LINGO2: variants seen among roughly 807,000 people sequenced by gnomAD.
The protein encoded by LINGO2 is leucine-rich repeat and immunoglobulin-like domain-containing nogo receptor-interacting protein 2.
A neutral mutation model predicts 30.6 loss-of-function variants in LINGO2; 14 were observed. That is an observed-to-expected ratio of 0.46 (90% CI 0.30 to 0.72). LINGO2 has a LOEUF of 0.72. Ranked by LOEUF, LINGO2 falls within the 30% of genes least tolerant of loss-of-function variation. The probability of loss-of-function intolerance (pLI) is 0.07; values close to 1 mark genes in which losing one functional copy is unlikely to be tolerated. For synonymous variants in LINGO2, 317 were observed against 288.5 expected (o/e 1.10, Z -1.00); for missense variants, 729 against 751.7 (o/e 0.97, Z 0.35).
At chr9:28,801,787 T>C in the LINGO2 span, among the ~76,000 whole-genome samples, 9 of 152,114 alleles carry the variant, frequency 5.9e-5, no homozygotes, top group South Asian at 1.9e-3. Context: ...TCCAAGGTTT[T>C]AGGGAGCTAC....
chr9:28,221,516 T>C (rs10511827), intron 4 of LINGO2, among the ~76,000 whole-genome samples: 35,529 of 151,828 alleles, frequency 0.23, 4,292 homozygotes, highest in South Asian at 0.33. Context: ...TGGGATCCGA[T>C]TTAAAAAAAG....
At chr9:28,064,334 A>C (rs1825245150) in intron 4 of LINGO2, among the ~76,000 whole-genome samples, 1 of 152,136 alleles carries the variant, frequency 6.6e-6, no homozygotes, top group South Asian at 2.1e-4. Flanking sequence ...TCTGCAGTAA[A>C]ACAGGGCTGC....
intron 4 of LINGO2, among the ~76,000 whole-genome samples, chr9:28,048,720 T>G (rs540804446): frequency 6.6e-6 from 1 of 150,852 alleles, no homozygotes; most frequent in South Asian, 2.1e-4. Context: ...TGTCCAAGAT[T>G]AAAGGAAAAG....
At chr9:28,932,130 AATAAG>A in the LINGO2 span, among the ~76,000 whole-genome samples, 161 of 148,700 alleles carry the variant, frequency 1.1e-3, 2 homozygotes, top group Middle Eastern at 3.4e-3. Context: ...AATAAAATAA[AATAAG>A]ATAAAATAAA....
intron 1 of LINGO2, among the ~76,000 whole-genome samples, chr9:28,559,280 G>T (rs567414295): frequency 6.6e-6 from 1 of 152,154 alleles, no homozygotes; most frequent in South Asian, 2.1e-4. Context: ...AACACCTTTT[G>T]TGTCTTCATC....
At chr9:28,054,064 C>CAAAAAAAAAAAAAAA (rs11461978) in intron 4 of LINGO2, among the ~76,000 whole-genome samples, 50 of 149,180 alleles carry the variant, frequency 3.4e-4, no homozygotes, top group African/African-American at 1.1e-3. Context: ...AGCTAGCAGA[C>CAAAAAAAAAAAAAAA]AAAAAAAAAG....
intron 4 of LINGO2, among the ~76,000 whole-genome samples, chr9:28,027,874 C>G (rs1823460394): frequency 6.6e-6 from 1 of 152,022 alleles, no homozygotes; most frequent in Non-Finnish European, 1.5e-5. Context: ...AAATTTTTGC[C>G]TCAATATGTC....
chr9:28,623,521 T>C (rs10812854), intron 1 of LINGO2, among the ~76,000 whole-genome samples: 53,372 of 151,732 alleles, frequency 0.35, 10,100 homozygotes, highest in African/African-American at 0.46. Context: ...AATTTTCTTC[T>C]TGGGGGTTCT....
At chr9:29,049,894 G>A in the LINGO2 span, among the ~76,000 whole-genome samples, 1 of 152,098 alleles carries the variant, frequency 6.6e-6, no homozygotes, top group African/African-American at 2.4e-5. Context: ...AGCACATTAG[G>A]TTGGCTATAG....
the LINGO2 span, among the ~76,000 whole-genome samples, chr9:28,954,438 C>T: frequency 1.3e-5 from 2 of 151,912 alleles, no homozygotes; most frequent in African/African-American, 2.4e-5. Flanking sequence ...ATGCATACTA[C>T]TTCATAAAGG....
the LINGO2 span, among the ~76,000 whole-genome samples, chr9:28,922,930 T>C: frequency 2.8e-4 from 43 of 152,268 alleles, no homozygotes; most frequent in African/African-American, 9.9e-4. Context: ...GTAATATAAA[T>C]GTCTTTATAA....
the LINGO2 span, among the ~76,000 whole-genome samples, chr9:28,894,840 A>ATTAT: frequency 3.3e-5 from 5 of 152,214 alleles, no homozygotes; most frequent in South Asian, 1.0e-3. Context: ...ATTACTTCAC[A>ATTAT]TACTTAATTT....
chr9:28,947,703 C>T, the LINGO2 span, among the ~76,000 whole-genome samples: 1 of 151,356 alleles, frequency 6.6e-6, no homozygotes, highest in Non-Finnish European at 1.5e-5. Flanking sequence ...CACATATACA[C>T]GTCTGTATAT....
chr9:28,739,026 TC>T, the LINGO2 span, among the ~76,000 whole-genome samples: 1 of 152,004 alleles, frequency 6.6e-6, no homozygotes, highest in African/African-American at 2.4e-5. Context: ...ATTTCTAGGT[TC>T]TAATTGAGTA....
At chr9:28,322,735 G>T (rs1345974345) in intron 3 of LINGO2, among the ~76,000 whole-genome samples, 1 of 151,978 alleles carries the variant, frequency 6.6e-6, no homozygotes, top group African/African-American at 2.4e-5. Context: ...ATTTTTTTTA[G>T]CAGCAGAATA....
chr9:28,677,412 T>C, the LINGO2 span, among the ~76,000 whole-genome samples: 8 of 152,320 alleles, frequency 5.3e-5, no homozygotes, highest in Admixed American at 2.6e-4. Context: ...CTGCTTACTT[T>C]ATCTCATACT....
the LINGO2 span, among the ~76,000 whole-genome samples, chr9:28,835,055 A>G: frequency 2.0e-5 from 3 of 152,192 alleles, no homozygotes; most frequent in African/African-American, 7.2e-5. Flanking sequence ...AAAGCAAAGC[A>G]AGAGTAGTTC....
chr9:28,473,381 T>A (rs1825603604), intron 2 of LINGO2, among the ~76,000 whole-genome samples: 3 of 151,802 alleles, frequency 2.0e-5, no homozygotes, highest in Admixed American at 2.0e-4. Flanking sequence ...CTTGATCTGA[T>A]AAAATATCTA....
intron 4 of LINGO2, among the ~76,000 whole-genome samples, chr9:28,264,690 A>T (rs1822684472): frequency 6.6e-6 from 1 of 152,060 alleles, no homozygotes; most frequent in South Asian, 2.1e-4. Flanking sequence ...ACACACACTG[A>T]GTACCTTTAG....
Sources: allele counts gnomAD v4.1 joint callset (sites outside exome capture counted in the v4.1 genomes callset), GRCh38; gene constraint gnomAD v4.1.1; transcripts MANE v1.5; gene names NCBI Gene and HGNC (gene_info 2026-07-23, HGNC 2026-07-21).